RAB38: variants seen among roughly 807,000 people sequenced by gnomAD.
RAB38 encodes the protein ras-related protein Rab-38.
RAB38 carries 15 observed loss-of-function variants against 18.4 expected under a neutral mutation model. The observed-to-expected ratio is 0.82, with a 90% CI of 0.55 to 1.26. The LOEUF is 1.26. Ranked by LOEUF, RAB38 falls within the 50% of genes most tolerant of loss-of-function variation. RAB38 has a pLI of 0.00. For missense variants in RAB38, 294 were observed against 267.4 expected, an observed-to-expected ratio of 1.10 and a Z score of -0.69; for synonymous variants, 101 against 104.4, an observed-to-expected ratio of 0.97 and a Z score of 0.20.
the RAB38 span, among the ~76,000 whole-genome samples, chr11:88,052,911 T>TG: frequency 4.0e-5 from 1 of 25,002 alleles, no homozygotes; most frequent in Non-Finnish European, 7.2e-5. Flanking sequence ...CATATATATA[T>TG]ATATATATAT....
chr11:87,917,793 G>A, the RAB38 span, among the ~76,000 whole-genome samples: 5 of 151,996 alleles, frequency 3.3e-5, no homozygotes, highest in Admixed American at 1.3e-4. Flanking sequence ...TAAATTCACT[G>A]TGTGCAGAGA....
At chr11:87,839,184 T>C in the RAB38 span, among the ~76,000 whole-genome samples, 58 of 152,360 alleles carry the variant, frequency 3.8e-4, no homozygotes, top group African/African-American at 8.9e-4. Context: ...TTATTGTCTC[T>C]ACCTGTTGCT....
At chr11:88,128,007 G>A (rs774605584) in intron 2 of RAB38, among the ~76,000 whole-genome samples, 4 of 152,182 alleles carry the variant, frequency 2.6e-5, no homozygotes, top group Non-Finnish European at 2.9e-5. Context: ...TGAATGAACT[G>A]TTCTGTAAAA....
At chr11:88,020,075 A>T in the RAB38 span, among the ~76,000 whole-genome samples, 1 of 152,200 alleles carries the variant, frequency 6.6e-6, no homozygotes. Flanking sequence ...ACTTGAATGT[A>T]GGCCTTACCC....
chr11:88,034,559 A>T, the RAB38 span, among the ~76,000 whole-genome samples: 1 of 152,208 alleles, frequency 6.6e-6, no homozygotes, highest in African/African-American at 2.4e-5. Context: ...ATGTTATGAC[A>T]TCTTATTGTA....
the RAB38 span, among the ~76,000 whole-genome samples, chr11:87,944,623 T>C: frequency 3.3e-5 from 5 of 152,212 alleles, no homozygotes; most frequent in Admixed American, 3.3e-4. Flanking sequence ...CTTAGGAACC[T>C]CTGAGAGATT....
chr11:87,866,000 A>G, the RAB38 span, among the ~76,000 whole-genome samples: 3 of 151,770 alleles, frequency 2.0e-5, no homozygotes, highest in African/African-American at 7.2e-5. Flanking sequence ...AGCCTTTGCA[A>G]TAGAAAATAT....
chr11:87,906,346 T>G, the RAB38 span, among the ~76,000 whole-genome samples: 3 of 151,932 alleles, frequency 2.0e-5, no homozygotes, highest in African/African-American at 7.2e-5. Flanking sequence ...AACTTTTGGA[T>G]GGAGTAAATG....
chr11:87,966,962 C>T, the RAB38 span, among the ~76,000 whole-genome samples: 1 of 152,178 alleles, frequency 6.6e-6, no homozygotes, highest in Non-Finnish European at 1.5e-5. Flanking sequence ...CACAATCATT[C>T]CTGTGGAAGC....
chr11:88,106,142 G>A, the RAB38 span, among the ~76,000 whole-genome samples: 3 of 151,926 alleles, frequency 2.0e-5, no homozygotes, highest in Admixed American at 6.6e-5. Flanking sequence ...GCAGAGACCC[G>A]TGACTTTTTT....
At chr11:87,887,331 C>A in the RAB38 span, among the ~76,000 whole-genome samples, 1 of 151,888 alleles carries the variant, frequency 6.6e-6, no homozygotes, top group South Asian at 2.1e-4. Context: ...GCATCCTTGC[C>A]CTCTTCTTCC....
At chr11:88,077,620 T>C in the RAB38 span, among the ~76,000 whole-genome samples, 1 of 152,152 alleles carries the variant, frequency 6.6e-6, no homozygotes, top group Non-Finnish European at 1.5e-5. Context: ...TAGACTTGTA[T>C]TGTTCCCTAT....
the RAB38 span, among the ~76,000 whole-genome samples, chr11:87,816,786 G>T: frequency 6.6e-6 from 1 of 152,106 alleles, no homozygotes; most frequent in African/African-American, 2.4e-5. Context: ...AAAATATGCT[G>T]TATTTTAAAT....
At chr11:88,112,399 G>A (rs577707806), downstream of RAB38, among the ~76,000 whole-genome samples, 2 of 152,228 alleles carry the variant, frequency 1.3e-5, no homozygotes, top group South Asian at 4.1e-4. Context: ...TTCTCCCACT[G>A]GAAAGAGTAG....
the RAB38 span, among the ~76,000 whole-genome samples, chr11:88,005,034 T>C: frequency 6.6e-6 from 1 of 151,368 alleles, no homozygotes; most frequent in African/African-American, 2.4e-5. Context: ...AGGGATAATT[T>C]CATAAAATGT....
chr11:87,877,862 A>G, the RAB38 span, among the ~76,000 whole-genome samples: 3 of 151,638 alleles, frequency 2.0e-5, no homozygotes, highest in South Asian at 6.2e-4. Flanking sequence ...CTTGTGTTAC[A>G]TAATTGCCAG....
chr11:87,960,331 AG>A, the RAB38 span, among the ~76,000 whole-genome samples: 2 of 151,170 alleles, frequency 1.3e-5, no homozygotes, highest in Non-Finnish European at 1.5e-5. Flanking sequence ...TAGTGACCAC[AG>A]TTTGAGTATC....
chr11:87,939,963 A>G, the RAB38 span, among the ~76,000 whole-genome samples: 61 of 152,222 alleles, frequency 4.0e-4, no homozygotes, highest in Non-Finnish European at 5.7e-4. Flanking sequence ...TAGAAAAAGA[A>G]GAGCAAATTA....
the RAB38 span, among the ~76,000 whole-genome samples, chr11:87,899,627 C>T: frequency 1.3e-5 from 2 of 151,530 alleles, no homozygotes; most frequent in Admixed American, 1.3e-4. Context: ...CCTCTCTACC[C>T]CAATGTCCTA....
Sources: allele counts gnomAD v4.1 joint callset (sites outside exome capture counted in the v4.1 genomes callset), GRCh38; gene constraint gnomAD v4.1.1; transcripts MANE v1.5; gene names NCBI Gene and HGNC (gene_info 2026-07-23, HGNC 2026-07-21).